The following SH3RF1 variants were observed in gnomAD, a reference collection of about 807,000 sequenced individuals.
SH3RF1 encodes E3 ubiquitin-protein ligase SH3RF1.
In SH3RF1, 32 loss-of-function variants were observed where a neutral mutation model predicts 74.0. The observed-to-expected ratio is 0.43, with a 90% CI of 0.33 to 0.58. The LOEUF (loss-of-function observed/expected upper bound fraction) is 0.58, where lower values mean the gene tolerates loss of function less well. Ranked by LOEUF, SH3RF1 falls within the 20% of genes least tolerant of loss-of-function variation. The probability of loss-of-function intolerance (pLI) is 0.05; values close to 1 mark genes in which losing one functional copy is unlikely to be tolerated. For missense variants in SH3RF1, 954 were observed against 1,130.9 expected, an observed-to-expected ratio of 0.84 and a Z score of 2.24; for synonymous variants, 396 against 439.6, an observed-to-expected ratio of 0.90 and a Z score of 1.24.
At chr4:169,223,800 T>G (rs914607150) in intron 2 of SH3RF1, among the ~76,000 whole-genome samples, 10 of 152,014 alleles carry the variant, frequency 6.6e-5, no homozygotes, top group African/African-American at 2.4e-4. Context: ...TCAATAAGAA[T>G]GTGATATGTG....
intron 2 of SH3RF1, among the ~76,000 whole-genome samples, chr4:169,255,343 T>C (rs1731168989): frequency 6.6e-6 from 1 of 152,186 alleles, no homozygotes; most frequent in Admixed American, 6.5e-5. Flanking sequence ...GCAAAATGCA[T>C]CAGTAAAGTA....
intron 2 of SH3RF1, among the ~76,000 whole-genome samples, chr4:169,236,329 G>C (rs554282818): frequency 6.6e-6 from 1 of 152,332 alleles, no homozygotes; most frequent in African/African-American, 2.4e-5. Flanking sequence ...AGCATGTGCT[G>C]AGATGGAGCC....
intron 4 of SH3RF1, among the ~76,000 whole-genome samples, chr4:169,146,106 T>TTATATATTC (rs1423721100): frequency 2.8e-5 from 3 of 105,484 alleles, no homozygotes; most frequent in Admixed American, 8.5e-5. Flanking sequence ...ATATAAAATG[T>TTATATATTC]TATATATTCT....
At chr4:169,145,802 AATAT>A (rs901244056) in intron 4 of SH3RF1, among the ~76,000 whole-genome samples, 6 of 130,056 alleles carry the variant, frequency 4.6e-5, no homozygotes, top group East Asian at 4.2e-4. Flanking sequence ...TTCTATATAA[AATAT>A]ATATTCTATA....
intron 2 of SH3RF1, among the ~76,000 whole-genome samples, chr4:169,212,814 A>G (rs930948497): frequency 9.2e-5 from 14 of 152,236 alleles, no homozygotes; most frequent in Non-Finnish European, 2.1e-4. Flanking sequence ...ACCATACAGC[A>G]TAATTTCAGT....
chr4:169,143,536 G>T (rs1483939908), intron 4 of SH3RF1, among the ~76,000 whole-genome samples: 1 of 152,136 alleles, frequency 6.6e-6, no homozygotes, highest in South Asian at 2.1e-4. Context: ...TAAGCACAAA[G>T]AATTTGCTGA....
chr4:169,227,021 C>A (rs1730661854), intron 2 of SH3RF1, among the ~76,000 whole-genome samples: 1 of 151,912 alleles, frequency 6.6e-6, no homozygotes, highest in Admixed American at 6.6e-5. Context: ...GAAAAACTAG[C>A]CAGGCGTCGG....
chr4:169,194,745 G>T (rs77260191), intron 2 of SH3RF1, among the ~76,000 whole-genome samples: 2,695 of 152,132 alleles, frequency 0.018, 74 homozygotes, highest in African/African-American at 0.062. Context: ...AGATCATAGG[G>T]TATGCATTTC....
chr4:169,222,207 T>G (rs1730577726), intron 2 of SH3RF1, among the ~76,000 whole-genome samples: 2 of 152,210 alleles, frequency 1.3e-5, no homozygotes, highest in African/African-American at 4.8e-5. Flanking sequence ...CTTACGCCTG[T>G]AATCCTAGCA....
At chr4:169,103,290 T>C (rs1733073529) in intron 11 of SH3RF1, among the ~76,000 whole-genome samples, 1 of 152,076 alleles carries the variant, frequency 6.6e-6, no homozygotes. Context: ...GGAAATTTTA[T>C]GCTTGTTCTC....
At chr4:169,158,263 T>G (rs1190025756) in intron 2 of SH3RF1, among the ~76,000 whole-genome samples, 2 of 152,088 alleles carry the variant, frequency 1.3e-5, no homozygotes, top group African/African-American at 4.8e-5. Flanking sequence ...AGCCAAGTCT[T>G]AAAGGATGCA....
intron 10 of SH3RF1, among the ~76,000 whole-genome samples, chr4:169,110,182 T>C (rs147280929): frequency 0.023 from 3,439 of 151,964 alleles, 62 homozygotes; most frequent in Non-Finnish European, 0.035. Context: ...GAGAGCAGCC[T>C]GGGCAACATA....
In SH3RF1 at chr4:169,266,425, C is replaced by T. The variant is rs565049877; in HGVS notation, c.393+2395G>A. Among the ~76,000 whole-genome samples the T allele has an allele frequency of 2.6e-5, 4 of 152,246 alleles. No individual in the cohort carries two copies. In the South Asian group the frequency reaches 8.3e-4, roughly 32 times the overall value. On this transcript the variant is annotated intron_variant, in intron 2 of 11. Coordinates refer to ENST00000284637, the MANE Select transcript of SH3RF1 (RefSeq NM_020870.4). ...ATTACAGTCACTCACCTAAGGGAAGCGTCCAAAGAAGTGCCTTACAATATC... is the reference window on the plus strand; with the variant it reads ...ATTACAGTCACTCACCTAAGGGAAGTGTCCAAAGAAGTGCCTTACAATATC...
chr4:169,156,743 C>A, intron 2 of SH3RF1, 64 bp from the exon 3 acceptor site: 1 of 1,445,938 alleles, frequency 6.9e-7, no homozygotes, highest in East Asian at 2.3e-5. Flanking sequence ...TCTGAAAATA[C>A]AACTGCGTTG....
intron 2 of SH3RF1, among the ~76,000 whole-genome samples, chr4:169,184,346 T>C (rs780929961): frequency 3.9e-5 from 6 of 152,206 alleles, no homozygotes; most frequent in South Asian, 2.1e-4. Context: ...CACATCCAAA[T>C]AGATCTCAGC....
chr4:169,239,177 A>C (rs890405942), intron 2 of SH3RF1, among the ~76,000 whole-genome samples: 1 of 152,190 alleles, frequency 6.6e-6, no homozygotes, highest in African/African-American at 2.4e-5. Context: ...TTGCCTTTTC[A>C]CAATATGTGG....
chr4:169,222,106 T>C (rs1274073825), intron 2 of SH3RF1, among the ~76,000 whole-genome samples: 1 of 152,228 alleles, frequency 6.6e-6, no homozygotes, highest in Admixed American at 6.5e-5. Flanking sequence ...GCTTATCTTC[T>C]GCTCAAAGCA....
At chr4:169,218,145 T>C (rs1296698921) in intron 2 of SH3RF1, among the ~76,000 whole-genome samples, 1 of 147,494 alleles carries the variant, frequency 6.8e-6, no homozygotes, top group East Asian at 1.9e-4. Context: ...TATTATTATA[T>C]ATTGATTATA....
At chr4:169,181,299 G>C (rs111409205) in intron 2 of SH3RF1, among the ~76,000 whole-genome samples, 1 of 120,722 alleles carries the variant, frequency 8.3e-6, no homozygotes, top group Non-Finnish European at 1.6e-5. Context: ...GTCTTGCTCT[G>C]TTGCCCAGGC....
Sources: gnomAD v4.1 joint callset for allele counts (sites outside exome capture counted in the v4.1 genomes callset) on GRCh38, gnomAD v4.1.1 for gene constraint, MANE v1.5 for transcripts, NCBI Gene and HGNC (gene_info 2026-07-23, HGNC 2026-07-21) for gene names.